The following FSHR variants were observed in gnomAD, a reference collection of about 807,000 sequenced individuals.
FSHR encodes the protein follicle-stimulating hormone receptor.
Under a neutral mutation model 52.1 loss-of-function variants are expected in FSHR, and 46 were observed. The observed-to-expected ratio is 0.88, with a 90% confidence interval of 0.70 to 1.13. FSHR has a LOEUF of 1.13. FSHR is among the 50% of genes most tolerant of loss of function. The pLI, the probability that FSHR is intolerant of heterozygous loss-of-function variation, is 0.00. For missense variants in FSHR, 964 were observed against 834.6 expected (o/e 1.16, Z -1.91); for synonymous variants, 399 against 309.6 (o/e 1.29, Z -3.03).
chr2:49,074,712 C>T (rs959745560), intron 1 of FSHR, among the ~76,000 whole-genome samples: 1 of 150,714 alleles, frequency 6.6e-6, no homozygotes, highest in Non-Finnish European at 1.5e-5. Flanking sequence ...ATCAAAGAGA[C>T]ATCTACACTT....
chr2:49,080,111 T>C (rs1487367812), intron 1 of FSHR, among the ~76,000 whole-genome samples: 5 of 152,180 alleles, frequency 3.3e-5, no homozygotes, highest in African/African-American at 1.2e-4. Context: ...AAGATGTTCA[T>C]CTTCAGTAGT....
chr2:48,981,971 G>C (rs1051506587), intron 8 of FSHR, among the ~76,000 whole-genome samples: 1 of 152,184 alleles, frequency 6.6e-6, no homozygotes, highest in Non-Finnish European at 1.5e-5. Flanking sequence ...TTTATCTATT[G>C]CTCTGCTCAC....
chr2:49,126,629 T>C (rs1283701397), intron 1 of FSHR, among the ~76,000 whole-genome samples: 1 of 152,192 alleles, frequency 6.6e-6, no homozygotes, highest in Admixed American at 6.5e-5. Flanking sequence ...GGCTCAAGTT[T>C]TCCTTCTGTT....
At chr2:49,088,149 C>G (rs1670468425) in intron 1 of FSHR, among the ~76,000 whole-genome samples, 1 of 152,158 alleles carries the variant, frequency 6.6e-6, no homozygotes, top group Non-Finnish European at 1.5e-5. Flanking sequence ...TGAAGCCTGT[C>G]TGGTCCCAAA....
chr2:49,005,975 C>T (rs1667062330), intron 4 of FSHR, among the ~76,000 whole-genome samples: 1 of 152,078 alleles, frequency 6.6e-6, no homozygotes, highest in Non-Finnish European at 1.5e-5. Context: ...GACTATAAAG[C>T]AGGCAGAAAA....
chr2:49,115,106 T>A (rs1486764434), intron 1 of FSHR, among the ~76,000 whole-genome samples: 2 of 148,390 alleles, frequency 1.3e-5, no homozygotes, highest in African/African-American at 2.5e-5. Context: ...GAGTGGTATG[T>A]GGAGAAAACC....
intron 4 of FSHR, among the ~76,000 whole-genome samples, chr2:48,999,091 G>C (rs538683158): frequency 6.6e-6 from 1 of 152,120 alleles, no homozygotes; most frequent in African/African-American, 2.4e-5. Flanking sequence ...TACTTTGCTT[G>C]GGAAAAGAAG....
intron 1 of FSHR, among the ~76,000 whole-genome samples, chr2:49,080,634 G>T (rs1414054895): frequency 6.6e-6 from 1 of 152,084 alleles, no homozygotes; most frequent in Non-Finnish European, 1.5e-5. Flanking sequence ...TTTTATAAAG[G>T]TTAACAACAT....
At chr2:49,041,369 T>G (rs1167339879) in intron 2 of FSHR, among the ~76,000 whole-genome samples, 1 of 152,200 alleles carries the variant, frequency 6.6e-6, no homozygotes, top group East Asian at 1.9e-4. Flanking sequence ...CAAGCCTTTT[T>G]GCTTAGCCTA....
chr2:49,017,503 G>A lies in FSHR; in HGVS notation c.360C>T (p.Pro120=). The change falls in exon 4 of 10, where the codon CCC becomes CCT. Residue 120 remains proline (P), a synonymous_variant. Coordinates refer to ENST00000406846, the MANE Select transcript of FSHR (RefSeq NM_000145.4). Reference sequence around the variant, plus strand: ...TGAGTTCTTACAGATATTGAAGGTTGGGAAGGTTCTGGAAGGCCTCAGGGT... The same window carrying A: ...TGAGTTCTTACAGATATTGAAGGTTAGGAAGGTTCTGGAAGGCCTCAGGGT... ...YINPEAFQNL[P]NLQYLLISNT... 1 of 1,612,678 alleles carries A rather than the reference G, an allele frequency of 6.2e-7. No individual in the cohort carries two copies. The highest frequency in any genetic ancestry group is 8.5e-7 in the Non-Finnish European group (1 of 1,178,876).
At chr2:49,012,262 T>A (rs558577022) in intron 4 of FSHR, among the ~76,000 whole-genome samples, 2 of 152,202 alleles carry the variant, frequency 1.3e-5, no homozygotes, top group South Asian at 4.2e-4. Flanking sequence ...CAATAGACAA[T>A]CTTTCATACA....
chr2:49,017,263 T>C (rs1434799242), intron 4 of FSHR, among the ~76,000 whole-genome samples: 1 of 152,160 alleles, frequency 6.6e-6, no homozygotes, highest in African/African-American at 2.4e-5. Context: ...GCAAATGGCA[T>C]TTCTTATGTC....
chr2:48,968,716 GC>G lies in FSHR; in HGVS notation c.835del (p.Ala279GlnfsTer19). 1 of 1,614,140 alleles carries G rather than the reference GC, an allele frequency of 6.2e-7. No individual in the cohort carries two copies. The highest frequency in any genetic ancestry group is 8.5e-7 in the Non-Finnish European group (1 of 1,179,992). Reference protein sequence around the residue: ...LTYPSHCCAFANWRRQISELH... With the variant: ...LTYPSHCCAFXNWRRQISELH... ...GACTCACATTTGCCGTCTCCAGTTT[GC>G]AAAGGCACAGCAATGGCTGGGATAG... On this transcript the variant is annotated frameshift_variant, in exon 9 of 10. Transcript: ENST00000406846. LOFTEE classifies it high-confidence loss of function.
At chr2:49,125,475 G>A (rs903076074) in intron 1 of FSHR, among the ~76,000 whole-genome samples, 3 of 152,064 alleles carry the variant, frequency 2.0e-5, no homozygotes, top group Non-Finnish European at 2.9e-5. Flanking sequence ...TATTTTTTGT[G>A]TTCATTATCA....
chr2:49,135,092 A>G (rs752347672), intron 1 of FSHR, among the ~76,000 whole-genome samples: 4 of 152,206 alleles, frequency 2.6e-5, no homozygotes, highest in Non-Finnish European at 5.9e-5. Context: ...AAAAGACTTG[A>G]GCAATGTTAT....
rs757909841 is a variant in FSHR at position 48,963,225 on chromosome 2, C to T, written c.1596G>A (p.Met532Ile). 1.2e-5 allele frequency: 19 copies of T among 1,614,166 alleles called. No homozygotes were observed. In the Admixed American group the frequency reaches 3.0e-4, roughly 25 times the overall value. ...IDSPLSQLYV[M>I]SLLVLNVLAF... ...CCAGGACATTGAGCACAAGGAGGGA[C>T]ATGACATACAGCTGTGACAAAGGGC... The change falls in exon 10 of 10, where the codon ATG (methionine) becomes ATA (isoleucine). Residue 532 changes from methionine to isoleucine, a missense_variant. Coordinates refer to ENST00000406846, the MANE Select transcript of FSHR (RefSeq NM_000145.4).
intron 4 of FSHR, among the ~76,000 whole-genome samples, chr2:49,015,712 G>C (rs1332316968): frequency 6.6e-6 from 1 of 152,174 alleles, no homozygotes; most frequent in Non-Finnish European, 1.5e-5. Context: ...TGAACTTAGA[G>C]ATCAAGACTC....
chr2:49,010,905 G>T (rs1192540452), intron 4 of FSHR, among the ~76,000 whole-genome samples: 18 of 151,512 alleles, frequency 1.2e-4, no homozygotes, highest in Admixed American at 1.3e-4. Flanking sequence ...TGCATCTATT[G>T]GATTCTTCTC....
chr2:49,020,266 A>G (rs190973785), intron 2 of FSHR, 106 bp from the exon 3 acceptor site: 11,231 of 949,572 alleles, frequency 0.012, 94 homozygotes, highest in Non-Finnish European at 0.014. Flanking sequence ...CAAGACACAC[A>G]AAACTCCTTT....
Sources: gnomAD v4.1 joint callset for allele counts (sites outside exome capture counted in the v4.1 genomes callset) on GRCh38, gnomAD v4.1.1 for gene constraint, MANE v1.5 for transcripts, NCBI Gene and HGNC (gene_info 2026-07-23, HGNC 2026-07-21) for gene names.